DAB1: variants seen among roughly 807,000 people sequenced by gnomAD.
DAB1 encodes the protein disabled homolog 1.
In DAB1, 15 loss-of-function variants were observed where a neutral mutation model predicts 64.6. The ratio of observed to expected loss-of-function variants is 0.23; its 90% confidence interval spans 0.16 to 0.36. The LOEUF (loss-of-function observed/expected upper bound fraction) is 0.36. DAB1 is among the 10% of genes least tolerant of loss of function. The pLI, the probability that DAB1 is intolerant of heterozygous loss-of-function variation, is 1.00. For missense variants in DAB1, 596 were observed against 706.7 expected (o/e 0.84, Z 1.78); for synonymous variants, 235 against 251.9 (o/e 0.93, Z 0.64).
In DAB1 at chr1:57,116,476, A is replaced by AG. The variant is rs1251625784; in HGVS notation, c.306+20066_306+20067insC. Among the ~76,000 whole-genome samples, 7 of 146,258 alleles carry AG rather than the reference A, an allele frequency of 4.8e-5. No homozygotes were observed. The East Asian group carries it at 1.5e-3, about 32-fold the overall frequency. Reference sequence around the variant, plus strand: ...GACTCTGTCTCAAAAAAAAAAAAAAAAAAAAAAGAAAGAAAGCAGGTTGGG... The same window carrying AG: ...GACTCTGTCTCAAAAAAAAAAAAAAAGAAAAAAAGAAAGAAAGCAGGTTGGG... On this transcript the variant is annotated intron_variant, in intron 4 of 14. Transcript: ENST00000371236.
At chr1:57,550,282 G>A (rs1398498492) in intron 7 of DAB1, among the ~76,000 whole-genome samples, 1 of 152,172 alleles carries the variant, frequency 6.6e-6, no homozygotes, top group Non-Finnish European at 1.5e-5. Context: ...TTAGTTGACA[G>A]GAAGTGGTTA....
At chr1:57,581,460 G>T (rs1252310212) in intron 7 of DAB1, among the ~76,000 whole-genome samples, 1 of 152,030 alleles carries the variant, frequency 6.6e-6, no homozygotes, top group African/African-American at 2.4e-5. Context: ...CTTTAGTCTG[G>T]TAAATTGTGC....
chr1:57,949,191 A>G (rs371594934), intron 5 of DAB1, among the ~76,000 whole-genome samples: 1 of 152,036 alleles, frequency 6.6e-6, no homozygotes, highest in East Asian at 1.9e-4. Flanking sequence ...TGGTTTGGGG[A>G]TGAAATTGTT....
chr1:57,978,996 A>G (rs1027991950), intron 5 of DAB1, among the ~76,000 whole-genome samples: 6 of 152,218 alleles, frequency 3.9e-5, no homozygotes, highest in African/African-American at 1.4e-4. Flanking sequence ...ATTGTGGAAG[A>G]CAGTGTGGTG....
intron 4 of DAB1, among the ~76,000 whole-genome samples, chr1:58,332,778 T>C (rs1417909525): frequency 6.6e-6 from 1 of 152,226 alleles, no homozygotes; most frequent in Non-Finnish European, 1.5e-5. Context: ...GGACTTATAA[T>C]GGCACATGGC....
At chr1:58,064,304 G>A (rs976427960) in intron 5 of DAB1, among the ~76,000 whole-genome samples, 1 of 152,174 alleles carries the variant, frequency 6.6e-6, no homozygotes, top group Non-Finnish European at 1.5e-5. Flanking sequence ...TGTGTTTAGA[G>A]GCTGCAGTGT....
intron 4 of DAB1, among the ~76,000 whole-genome samples, chr1:57,099,565 C>T (rs1557717945): frequency 1.3e-5 from 2 of 152,272 alleles, no homozygotes; most frequent in East Asian, 3.9e-4. Context: ...ATCCTTAGTA[C>T]TTCTGGGGTT....
intron 4 of DAB1, among the ~76,000 whole-genome samples, chr1:57,117,779 G>A (rs1325638790): frequency 6.6e-6 from 1 of 151,814 alleles, no homozygotes; most frequent in African/African-American, 2.4e-5. Context: ...CAGTTTTACT[G>A]GTGCTCTCAC....
chr1:58,325,094 G>A (rs1662791423), intron 4 of DAB1, among the ~76,000 whole-genome samples: 2 of 152,158 alleles, frequency 1.3e-5, no homozygotes, highest in South Asian at 4.1e-4. Context: ...TCCTCTCCCT[G>A]CTTGTAGCTC....
chr1:57,853,877 G>A (rs1293421285), intron 1 of DAB1, among the ~76,000 whole-genome samples: 1 of 152,196 alleles, frequency 6.6e-6, no homozygotes, highest in Admixed American at 6.5e-5. Context: ...TTTCTGGGTT[G>A]AGGGAGGGCC....
intron 7 of DAB1, among the ~76,000 whole-genome samples, chr1:57,447,332 A>G (rs1243988206): frequency 6.6e-6 from 1 of 152,178 alleles, no homozygotes; most frequent in Admixed American, 6.5e-5. Context: ...GATCCCTCCA[A>G]CTAATTCCTT....
At chr1:57,071,725 G>A (rs528736645) in intron 5 of DAB1, 84 bp from the exon 6 acceptor site, 13 of 1,307,330 alleles carry the variant, frequency 9.9e-6, no homozygotes, top group African/African-American at 4.5e-5. Context: ...GCGACAACCC[G>A]CAGCCCTTCC....
intron 5 of DAB1, among the ~76,000 whole-genome samples, chr1:57,897,092 T>C (rs1310229253): frequency 6.6e-6 from 1 of 152,150 alleles, no homozygotes; most frequent in Non-Finnish European, 1.5e-5. Flanking sequence ...GGTCTGCATC[T>C]GTAAAAAAAG....
chr1:57,643,491 G>C (rs12120378), intron 7 of DAB1, among the ~76,000 whole-genome samples: 37,192 of 151,982 alleles, frequency 0.24, 4,913 homozygotes, highest in Admixed American at 0.34. Flanking sequence ...TAACTGGTTT[G>C]AGCAAGAGAA....
chr1:57,719,785 C>A (rs766462720), intron 6 of DAB1, among the ~76,000 whole-genome samples: 1 of 152,112 alleles, frequency 6.6e-6, no homozygotes, highest in East Asian at 1.9e-4. Context: ...TCTTTATAGC[C>A]GTGTGAGAGC....
Position 57,014,896 on chromosome 1 carries a change from T to C in DAB1, c.1431A>G (p.Pro477=). The part of the protein sequence containing the change: ...LNLTPVTSTT[P]STNSPPTPAP... ...AGGGGCACTCACGTGAGTTGGTCGA[T>C]GGTGTGGTAGAAGTCACAGGGGTCA... Residue 477 remains proline (P), a synonymous_variant, in exon 12 of 15, where the codon CCA becomes CCG. Coordinates refer to ENST00000371236, the MANE Select transcript of DAB1 (RefSeq NM_001365792.1). 1.9e-6 allele frequency: 3 copies of C among 1,571,952 alleles called. No homozygotes were observed. The highest frequency in any genetic ancestry group is 1.7e-4 in the Middle Eastern group (1 of 5,822).
At chr1:57,897,050 G>A (rs936262498) in intron 5 of DAB1, among the ~76,000 whole-genome samples, 1 of 152,102 alleles carries the variant, frequency 6.6e-6, no homozygotes, top group Non-Finnish European at 1.5e-5. Context: ...ACCATGGTTT[G>A]ATCCCTAAAA....
At chr1:57,238,129 G>A (rs2100461366) in intron 2 of DAB1, among the ~76,000 whole-genome samples, 1 of 152,302 alleles carries the variant, frequency 6.6e-6, no homozygotes, top group South Asian at 2.1e-4. Context: ...CGAAACCAAG[G>A]CTGTGGCTTC....
chr1:58,336,276 C>T (rs1470100939), intron 4 of DAB1, among the ~76,000 whole-genome samples: 3 of 152,216 alleles, frequency 2.0e-5, no homozygotes, highest in Non-Finnish European at 1.5e-5. Flanking sequence ...TGTTAATCAT[C>T]ATGGTCATAT....
Sources: gnomAD v4.1 joint callset for allele counts (sites outside exome capture counted in the v4.1 genomes callset) on GRCh38, gnomAD v4.1.1 for gene constraint, MANE v1.5 for transcripts, NCBI Gene and HGNC (gene_info 2026-07-23, HGNC 2026-07-21) for gene names.